The following TMEM176A variants were observed in gnomAD, a reference collection of about 807,000 sequenced individuals.
The protein encoded by TMEM176A is transmembrane protein 176A, also known as hepatocellular carcinoma-associated antigen 112.
A neutral mutation model predicts 27.9 loss-of-function variants in TMEM176A; 20 were observed. The observed-to-expected ratio is 0.72, with a 90% CI of 0.50 to 1.04. The LOEUF (loss-of-function observed/expected upper bound fraction) is 1.04. TMEM176A is among the 50% of genes least tolerant of loss of function. The probability of loss-of-function intolerance (pLI) is 0.00; values close to 1 mark genes in which losing one functional copy is unlikely to be tolerated. For synonymous variants in TMEM176A, 125 were observed against 118.0 expected (o/e 1.06, Z -0.38); for missense variants, 252 against 289.1 (o/e 0.87, Z 0.93).
chr7:150,804,289 A>G (rs779738755), intron 5 of TMEM176A, 73 bp from the exon 6 acceptor site: 7 of 1,264,518 alleles, frequency 5.5e-6, no homozygotes, highest in Admixed American at 5.3e-5. Flanking sequence ...TCCCAGGTCA[A>G]TAAGGAGCAT....
intron 3 of TMEM176A, chr7:150,802,927 C>T: frequency 1.0e-6 from 1 of 989,116 alleles, no homozygotes; most frequent in Non-Finnish European, 1.2e-6. Flanking sequence ...GGATTCAGGT[C>T]CACCTGTCCA....
At chr7:150,804,614 A>T in intron 6 of TMEM176A, 142 bp downstream of exon 6, 1 of 896,678 alleles carries the variant, frequency 1.1e-6, no homozygotes. Context: ...CTTTCTACCC[A>T]GTGGTGGCCC....
chr7:150,803,726 C>T lies in TMEM176A; in HGVS notation c.449C>T (p.Ala150Val). The part of the protein sequence containing the change: ...FRYGYSYYNS[A>V]CRISSSSDWN... ...TATGGCTACTCTTATTACAACAGTG[C>T]CTGCCGCATCTCCAGCTCGAGTGAC... is the stretch of plus-strand genomic sequence containing the variant. Residue 150 changes from alanine to valine, a missense_variant, in exon 5 of 7, where the codon GCC becomes GTC. Ala to Val is a moderately conservative substitution (Grantham distance 64). Transcript: ENST00000004103. The T allele has an allele frequency of 3.1e-6, 5 of 1,614,210 alleles. No individual in the cohort carries two copies. The highest frequency in any genetic ancestry group is 3.4e-6 in the Non-Finnish European group (4 of 1,180,052).
intron 3 of TMEM176A, 195 bp from the exon 4 acceptor site, chr7:150,803,205 C>G: frequency 1.5e-6 from 2 of 1,333,576 alleles, no homozygotes; most frequent in Non-Finnish European, 1.9e-6. Context: ...GTCACTAAAG[C>G]AGGGCCTTTT....
Position 150,801,660 on chromosome 7 carries a change from G to T in TMEM176A, c.110G>T (p.Cys37Phe). 6.2e-7 allele frequency: 1 copy of T among 1,611,962 alleles called. No individual in the cohort carries two copies. The highest frequency in any genetic ancestry group is 8.5e-7 in the Non-Finnish European group (1 of 1,179,492). ...SALAKLLLTC[C>F]SALRPRATQA... ...CTGGCCAAGCTCCTGCTCACCTGCT[G>T]CTCTGCGCTGCGGCCCCGGGCCACC... Residue 37 changes from cysteine (C) to phenylalanine (F), a missense_variant, in exon 2 of 7, where the codon TGC becomes TTC. Cys to Phe is a radical substitution (Grantham distance 205, BLOSUM62 -2). Transcript: ENST00000004103.
At position 150,802,651 on chromosome 7, in the gene TMEM176A, T is replaced by A. The variant is rs141522271; in HGVS notation, c.285+326T>A. On this transcript the variant is annotated intron_variant, in intron 3 of 6. Transcript: ENST00000004103. ...GCATTGAGATGGGGAAGGCAGAGCG[T>A]TCCAGATAGTATGTGGTCCCCCAGG... The A allele has an allele frequency of 1.3e-5, 13 of 1,033,760 alleles. No individual in the cohort carries two copies. The African/African-American group carries it at 2.0e-4, about 16-fold the overall frequency. 64.0% of individuals were successfully genotyped at this position (1,033,760 alleles called of 1,614,324 possible). A position where few individuals can be genotyped will look rare whatever the true frequency, so the allele number is the denominator to read the frequency against.
At chr7:150,801,986 A>T (rs1000853523) in intron 2 of TMEM176A, 3 of 612,880 alleles carry the variant, frequency 4.9e-6, no homozygotes, top group Admixed American at 5.9e-5. Flanking sequence ...CAAACTCAGG[A>T]TGGGCCGGCT....
At chr7:150,803,249 C>G in intron 3 of TMEM176A, 151 bp from the exon 4 acceptor site, 1 of 1,377,302 alleles carries the variant, frequency 7.3e-7, no homozygotes, top group Non-Finnish European at 9.4e-7. Flanking sequence ...GCTCCACCCT[C>G]TCAGCAATTA....
At chr7:150,804,212 C>T (rs1798874195) in intron 5 of TMEM176A, 150 bp from the exon 6 acceptor site, 2 of 643,742 alleles carry the variant, frequency 3.1e-6, no homozygotes, top group East Asian at 2.7e-5. Context: ...CAGCTGTATT[C>T]TGTACATTGA....
At chr7:150,801,387 C>T in intron 1 of TMEM176A, 149 bp from the exon 2 acceptor site, 1 of 719,228 alleles carries the variant, frequency 1.4e-6, no homozygotes, top group Non-Finnish European at 2.2e-6. Context: ...ACATTCCCCT[C>T]GTGAGGGGCC....
intron 6 of TMEM176A, 74 bp downstream of exon 6, chr7:150,804,546 A>G (rs1325842817): frequency 1.5e-6 from 2 of 1,351,222 alleles, no homozygotes; most frequent in Non-Finnish European, 2.1e-6. Flanking sequence ...TGGACAGTGG[A>G]CAGTTTGGGG....
At position 150,804,858 on chromosome 7, in the gene TMEM176A, G is replaced by C. The variant is rs1486873212; in HGVS notation, c.698G>C (p.Ser233Thr). 1 of 1,614,100 alleles carries C rather than the reference G, an allele frequency of 6.2e-7. No individual in the cohort carries two copies. The highest frequency in any genetic ancestry group is 8.5e-7 in the Non-Finnish European group (1 of 1,180,050). Residue 233 changes from serine to threonine, a missense_variant, in exon 7 of 7, where the codon AGT (serine) becomes ACT (threonine). Physicochemically the swap from Ser to Thr is moderately conservative, Grantham distance 58. Transcript: ENST00000004103. ...KRDQKEMLEV[S>T]GI ...GACCAGAAGGAAATGTTGGAAGTGA[G>C]TGGAATCTAGCCATGCCTCTCCTGA...
rs10239586 is a variant in TMEM176A at position 150,801,685 on chromosome 7, C to T, written c.135C>T (p.Thr45=). Residue 45 remains threonine, a synonymous_variant, in exon 2 of 7, where the codon ACC becomes ACT. Coordinates refer to ENST00000004103, the MANE Select transcript of TMEM176A (RefSeq NM_018487.3). ...TCCSALRPRA[T]QARGSSRLLV... Reference sequence around the variant, plus strand: ...GCTCTGCGCTGCGGCCCCGGGCCACCCAGGCCAGGGGCAGCAGCCGGCTGC... The same window carrying T: ...GCTCTGCGCTGCGGCCCCGGGCCACTCAGGCCAGGGGCAGCAGCCGGCTGC... 1.1e-3 allele frequency: 1,761 copies of T among 1,597,682 alleles called. 14 individuals are homozygous for T. In the African/African-American group the frequency reaches 0.02, roughly 18 times the overall value.
At chr7:150,801,357 C>A in intron 1 of TMEM176A, 179 bp from the exon 2 acceptor site, 2 of 507,228 alleles carry the variant, frequency 3.9e-6, no homozygotes, top group Non-Finnish European at 6.4e-6. Context: ...CCAGCATGGT[C>A]AGCACCCCCT....
chr7:150,803,131 T>C (rs1798852085), intron 3 of TMEM176A: 1 of 1,166,108 alleles, frequency 8.6e-7, no homozygotes, highest in Non-Finnish European at 1.1e-6. Context: ...CTTGGTGTTG[T>C]TTAAAAAGGA....
At chr7:150,804,235 C>A in intron 5 of TMEM176A, 127 bp from the exon 6 acceptor site, 2 of 709,998 alleles carry the variant, frequency 2.8e-6, no homozygotes, top group Non-Finnish European at 4.9e-6. Flanking sequence ...GCATTGACTT[C>A]CCCTCCAGAA....
intron 6 of TMEM176A, 83 bp from the exon 7 acceptor site, chr7:150,804,744 C>A: frequency 7.1e-7 from 1 of 1,411,964 alleles, no homozygotes; most frequent in Non-Finnish European, 1.0e-6. Flanking sequence ...ATTCTGGTAG[C>A]TCCAGAGCTA....
rs1798754482 is a variant in TMEM176A at position 150,800,839 on chromosome 7, ACCC to A, written c.-16+13_-16+15del. The A allele has an allele frequency of 2.4e-6, 2 of 843,916 alleles. No homozygotes were observed. Among genetic ancestry groups the A allele is most frequent in the Non-Finnish European group, 1.4e-6 (1 of 701,838 alleles). The allele number at this position is 843,916 out of a possible 1,614,324, so 52.3% of individuals were successfully genotyped here. ...TCCCGAGGAGCGCAGGTGAGGCGGCACCCCACTCCCGGCGGCCCCCGGGCCTCC... is the reference window on the plus strand; with the variant it reads ...TCCCGAGGAGCGCAGGTGAGGCGGCACACTCCCGGCGGCCCCCGGGCCTCC... On this transcript the variant is annotated intron_variant, in intron 1 of 6. Coordinates refer to ENST00000004103, the MANE Select transcript of TMEM176A (RefSeq NM_018487.3).
chr7:150,802,081 C>T, intron 2 of TMEM176A, 134 bp from the exon 3 acceptor site: 1 of 640,330 alleles, frequency 1.6e-6, no homozygotes, highest in Non-Finnish European at 2.7e-6. Context: ...CTCCTTTTCT[C>T]TTCTCTTCTC....
Sources: allele counts gnomAD v4.1 joint callset, GRCh38; gene constraint gnomAD v4.1.1; transcripts MANE v1.5; gene names NCBI Gene and HGNC (gene_info 2026-07-23, HGNC 2026-07-21).